WWOX: variants seen among roughly 807,000 people sequenced by gnomAD.
WWOX encodes the protein WW domain containing oxidoreductase, also known as WW domain-containing oxidoreductase.
WWOX carries 69 observed loss-of-function variants against 46.2 expected under a neutral mutation model. The ratio of observed to expected loss-of-function variants is 1.49; its 90% CI spans 1.23 to 1.82. WWOX has a LOEUF of 1.82. WWOX is among the 40% of genes most tolerant of loss of function. The pLI is 0.00. For synonymous variants in WWOX, 359 were observed against 202.6 expected (o/e 1.77, Z -6.56); for missense variants, 919 against 542.6 (o/e 1.69, Z -6.89).
At chr16:79,089,944 C>G (rs997687855) in intron 8 of WWOX, 2 of 148,264 alleles carry the variant, frequency 1.3e-5, no homozygotes, top group Non-Finnish European at 1.5e-5. Flanking sequence ...CAAGAGAAAC[C>G]GAAAGAGTGA....
intron 8 of WWOX, among the ~76,000 whole-genome samples, chr16:78,584,865 T>G (rs1274475236): frequency 6.6e-6 from 1 of 152,232 alleles, no homozygotes; most frequent in Non-Finnish European, 1.5e-5. Flanking sequence ...TCGGTGCGTG[T>G]AAGCAATATC....
At chr16:78,193,186 A>C (rs1217751722) in intron 5 of WWOX, among the ~76,000 whole-genome samples, 1 of 152,238 alleles carries the variant, frequency 6.6e-6, no homozygotes, top group Non-Finnish European at 1.5e-5. Flanking sequence ...GCAGTAGCCA[A>C]GACCAACAGC....
intron 8 of WWOX, among the ~76,000 whole-genome samples, chr16:78,928,733 G>A (rs1447914662): frequency 1.3e-5 from 2 of 152,110 alleles, no homozygotes; most frequent in Admixed American, 1.3e-4. Flanking sequence ...ACACTTTTAT[G>A]GACCTGCATT....
intron 8 of WWOX, among the ~76,000 whole-genome samples, chr16:79,040,436 G>C (rs773077848): frequency 5.9e-5 from 9 of 152,006 alleles, no homozygotes; most frequent in Non-Finnish European, 1.0e-4. Context: ...ACCATGGCCA[G>C]ATAATTGTTT....
intron 8 of WWOX, chr16:78,898,692 A>G (rs2044756821): frequency 6.6e-6 from 1 of 152,084 alleles, no homozygotes; most frequent in Non-Finnish European, 1.5e-5. Context: ...GAATCTCTTG[A>G]TCAATTTGAG....
intron 5 of WWOX, among the ~76,000 whole-genome samples, chr16:78,305,781 A>T (rs1268758179): frequency 2.6e-5 from 4 of 152,194 alleles, no homozygotes; most frequent in African/African-American, 9.7e-5. Flanking sequence ...TGAAATGAGA[A>T]ATTGCCGGTG....
chr16:79,063,460 A>G (rs140220124), intron 8 of WWOX, among the ~76,000 whole-genome samples: 35 of 152,368 alleles, frequency 2.3e-4, no homozygotes, highest in African/African-American at 7.0e-4. Flanking sequence ...TCTCTGCTAT[A>G]GGAGGGACAA....
At chr16:78,222,724 G>A (rs373169815) in intron 5 of WWOX, among the ~76,000 whole-genome samples, 12 of 152,312 alleles carry the variant, frequency 7.9e-5, no homozygotes, top group African/African-American at 2.2e-4. Context: ...AGCTGGAAGC[G>A]TTTCTCCATG....
intron 8 of WWOX, among the ~76,000 whole-genome samples, chr16:78,910,567 A>T (rs7192251): frequency 0.056 from 8,516 of 151,622 alleles, 519 homozygotes; most frequent in East Asian, 0.18. Flanking sequence ...ACTGAGAAAG[A>T]CATACCCAAG....
At chr16:78,145,599 C>G (rs1377576031) in intron 4 of WWOX, among the ~76,000 whole-genome samples, 1 of 152,136 alleles carries the variant, frequency 6.6e-6, no homozygotes, top group Admixed American at 6.6e-5. Flanking sequence ...CTCTCTTCAT[C>G]CGCTGACTTA....
chr16:78,915,256 C>G (rs1184471099), intron 8 of WWOX, among the ~76,000 whole-genome samples: 3 of 152,188 alleles, frequency 2.0e-5, no homozygotes, highest in Non-Finnish European at 4.4e-5. Context: ...CTTTACATGA[C>G]CATTCCAGTC....
At chr16:78,322,607 G>A (rs1250243774) in intron 5 of WWOX, among the ~76,000 whole-genome samples, 1 of 152,218 alleles carries the variant, frequency 6.6e-6, no homozygotes, top group Non-Finnish European at 1.5e-5. Flanking sequence ...AGGTAGACCT[G>A]AATTAAATCT....
intron 8 of WWOX, among the ~76,000 whole-genome samples, chr16:78,933,126 C>G (rs979683395): frequency 6.6e-6 from 1 of 152,188 alleles, no homozygotes; most frequent in East Asian, 1.9e-4. Flanking sequence ...ATAGGAGACT[C>G]TTTGAACACT....
chr16:78,329,744 T>C (rs565120843), intron 5 of WWOX, among the ~76,000 whole-genome samples: 5 of 151,856 alleles, frequency 3.3e-5, no homozygotes, highest in Non-Finnish European at 7.4e-5. Context: ...TTTTTTCTTT[T>C]TCTTTCTTTT....
chr16:78,848,227 A>G (rs2052350134), intron 8 of WWOX, among the ~76,000 whole-genome samples: 1 of 152,236 alleles, frequency 6.6e-6, no homozygotes, highest in Non-Finnish European at 1.5e-5. Context: ...ACGGAAAACA[A>G]GTAAGAGTAA....
intron 8 of WWOX, among the ~76,000 whole-genome samples, chr16:78,811,293 T>C (rs1007034128): frequency 6.6e-6 from 1 of 152,234 alleles, no homozygotes; most frequent in Admixed American, 6.5e-5. Context: ...ATTCTCTCTG[T>C]GATTCATAGG....
At chr16:78,635,297 T>C (rs1438933541) in intron 8 of WWOX, among the ~76,000 whole-genome samples, 1 of 152,146 alleles carries the variant, frequency 6.6e-6, no homozygotes, top group Non-Finnish European at 1.5e-5. Context: ...GTTGTCCCTT[T>C]AATCCATCGC....
intron 5 of WWOX, among the ~76,000 whole-genome samples, chr16:78,380,517 G>A (rs530344134): frequency 3.1e-4 from 47 of 152,242 alleles, no homozygotes; most frequent in African/African-American, 1.1e-3. Context: ...CCGTATCAGT[G>A]AAGAGTGAAG....
chr16:78,930,448 AT>A (rs71140847), intron 8 of WWOX, among the ~76,000 whole-genome samples: 5,648 of 106,510 alleles, frequency 0.053, 141 homozygotes, highest in African/African-American at 0.059. Context: ...CAGCTAGCTA[AT>A]TTTTTTTTTT....
Sources: gnomAD v4.1 joint callset for allele counts (sites outside exome capture counted in the v4.1 genomes callset) on GRCh38, gnomAD v4.1.1 for gene constraint, MANE v1.5 for transcripts, NCBI Gene and HGNC (gene_info 2026-07-23, HGNC 2026-07-21) for gene names.